SESTD1: variants seen among roughly 807,000 people sequenced by gnomAD.
SESTD1 encodes the protein SEC14 and spectrin domain containing 1.
In SESTD1, 43 loss-of-function variants were observed where a neutral mutation model predicts 101.7. That is an observed-to-expected ratio of 0.42 (90% CI 0.33 to 0.55). SESTD1 has a LOEUF of 0.55. Ranked by LOEUF, SESTD1 falls within the 20% of genes least tolerant of loss-of-function variation. The pLI, the probability that SESTD1 is intolerant of heterozygous loss-of-function variation, is 0.07. For synonymous variants in SESTD1, 283 were observed against 286.8 expected (o/e 0.99, Z 0.13); for missense variants, 647 against 815.1 (o/e 0.79, Z 2.51).
intron 4 of SESTD1, among the ~76,000 whole-genome samples, chr2:179,172,765 G>A (rs1472323066): frequency 1.3e-5 from 2 of 152,106 alleles, no homozygotes; most frequent in Admixed American, 6.5e-5. Context: ...ACTTGATATG[G>A]TTACTTATAC....
chr2:179,208,878 C>T (rs1206169489), intron 1 of SESTD1, among the ~76,000 whole-genome samples: 1 of 134,622 alleles, frequency 7.4e-6, no homozygotes, highest in Non-Finnish European at 1.6e-5. Context: ...CATCTCAACA[C>T]TAATGTTGAA....
chr2:179,160,715 A>G (rs984892737), intron 5 of SESTD1, among the ~76,000 whole-genome samples: 2 of 152,144 alleles, frequency 1.3e-5, no homozygotes, highest in Admixed American at 1.3e-4. Flanking sequence ...TTCTAAAAGT[A>G]TCCAGCATTT....
intron 7 of SESTD1, 123 bp from the exon 8 acceptor site, chr2:179,146,580 T>C: frequency 1.4e-6 from 1 of 729,234 alleles, no homozygotes; most frequent in Non-Finnish European, 2.2e-6. Flanking sequence ...AAGCATACCA[T>C]CCTACCATGC....
At chr2:179,222,608 A>G (rs1332158715) in intron 1 of SESTD1, among the ~76,000 whole-genome samples, 2 of 152,184 alleles carry the variant, frequency 1.3e-5, no homozygotes, top group Non-Finnish European at 2.9e-5. Flanking sequence ...TTTCATCCTC[A>G]TATTAATACT....
intron 9 of SESTD1, among the ~76,000 whole-genome samples, chr2:179,142,992 A>C (rs1354933247): frequency 6.6e-6 from 1 of 152,214 alleles, no homozygotes; most frequent in Non-Finnish European, 1.5e-5. Flanking sequence ...ATTTTTAAAT[A>C]AAATATTCGA....
At chr2:179,116,869 T>C in intron 14 of SESTD1, 79 bp from the exon 15 acceptor site, 1 of 1,516,066 alleles carries the variant, frequency 6.6e-7, no homozygotes, top group Non-Finnish European at 8.9e-7. Flanking sequence ...ATACAGAGAT[T>C]ACTATCATGT....
chr2:179,149,755 T>C (rs1480624509), intron 6 of SESTD1, among the ~76,000 whole-genome samples: 1 of 152,204 alleles, frequency 6.6e-6, no homozygotes, highest in Non-Finnish European at 1.5e-5. Flanking sequence ...AACACTTCTT[T>C]ATGTTATTCT....
chr2:179,181,844 C>T (rs926783811), intron 3 of SESTD1, among the ~76,000 whole-genome samples: 1 of 152,066 alleles, frequency 6.6e-6, no homozygotes, highest in Admixed American at 6.6e-5. Flanking sequence ...AGTTAGCAAT[C>T]CACAGCTTGG....
chr2:179,156,200 T>C (rs1246405315), intron 5 of SESTD1, among the ~76,000 whole-genome samples: 1 of 152,150 alleles, frequency 6.6e-6, no homozygotes, highest in African/African-American at 2.4e-5. Flanking sequence ...ATATATCACA[T>C]ATATACATCA....
rs748112798 is a variant in SESTD1 at position 179,206,737 on chromosome 2, G to T, written c.-25-14871C>A. On this transcript the variant is annotated intron_variant, in intron 1 of 17. Coordinates refer to ENST00000428443, the MANE Select transcript of SESTD1 (RefSeq NM_178123.5). ...ACAGAAGCCACAGCTGACCATGCAG[G>T]TGGGCAGGCAGGGAGGTGAGAGACC... 1.5e-5 allele frequency among the ~76,000 whole-genome samples: 2 copies of T among 135,046 alleles called. 1 individual carries two copies. Among genetic ancestry groups the T allele is most frequent in the African/African-American group, 5.9e-5 (2 of 34,104 alleles). 88.6% of individuals were successfully genotyped at this position (135,046 alleles called of 152,430 possible). A position where few individuals can be genotyped will look rare whatever the true frequency, so the allele number is the denominator to read the frequency against.
At chr2:179,240,130 C>G (rs934188737) in intron 1 of SESTD1, among the ~76,000 whole-genome samples, 2 of 152,082 alleles carry the variant, frequency 1.3e-5, no homozygotes, top group African/African-American at 2.4e-5. Context: ...ACGCAGAATC[C>G]TATAGAATAG....
rs912096369 is a variant in SESTD1 at position 179,182,933 on chromosome 2, T to C, written c.164+147A>G. 7 of 505,996 alleles carry C rather than the reference T, an allele frequency of 1.4e-5. No homozygotes were observed. The African/African-American group carries it at 1.4e-4, about 10-fold the overall frequency. 31.3% of individuals were successfully genotyped at this position (505,996 alleles called of 1,614,324 possible). ...AAGCATTTTATCTGCAATGATGTTA[T>C]AAGTCATTGATTTTAGTATCTATAA... On this transcript the variant is annotated intron_variant, in intron 3 of 17. Transcript: ENST00000428443.
chr2:179,170,182 C>T (rs1163596261), intron 5 of SESTD1, among the ~76,000 whole-genome samples: 2 of 149,874 alleles, frequency 1.3e-5, no homozygotes, highest in Non-Finnish European at 3.0e-5. Context: ...TAAAAGAAAA[C>T]TGTTTCTCCA....
intron 1 of SESTD1, among the ~76,000 whole-genome samples, chr2:179,214,810 A>T (rs1465332447): frequency 3.7e-5 from 5 of 135,648 alleles, no homozygotes; most frequent in Non-Finnish European, 4.8e-5. Flanking sequence ...AGTGCAAACA[A>T]ATTAGAATTC....
chr2:179,123,706 T>C lies in SESTD1; in HGVS notation c.1282+9A>G. On this transcript the variant is annotated intron_variant, in intron 12 of 17. Transcript: ENST00000428443. ...ACCTTATGTTTCAGCATTTTTAAAA[T>C]CTGCTTACCAACACTTTTCAGCTTC... 1 of 1,571,150 alleles carries C rather than the reference T, an allele frequency of 6.4e-7. No individual in the cohort carries two copies. The highest frequency in any genetic ancestry group is 8.7e-7 in the Non-Finnish European group (1 of 1,151,150).
intron 1 of SESTD1, among the ~76,000 whole-genome samples, chr2:179,195,418 C>T (rs1339344551): frequency 6.6e-6 from 1 of 152,180 alleles, no homozygotes; most frequent in Non-Finnish European, 1.5e-5. Context: ...CTGAGGTCTC[C>T]CCAGCCATGC....
rs79702579 is a variant in SESTD1 at position 179,129,639 on chromosome 2, G to A, written c.972+2665C>T. On this transcript the variant is annotated intron_variant, in intron 10 of 17. Coordinates refer to ENST00000428443, the MANE Select transcript of SESTD1 (RefSeq NM_178123.5). ...GTTAAAAGTTTTCTCAAATTCTACC[G>A]TTAACAGCTGTCAATGCCAGAAATT... Among the ~76,000 whole-genome samples the A allele has an allele frequency of 3.7e-3, 556 of 152,198 alleles. 1 individual carries two copies. The highest frequency in any genetic ancestry group is 6.6e-3 in the South Asian group (32 of 4,826).
chr2:179,137,495 G>A (rs954192431), intron 9 of SESTD1, among the ~76,000 whole-genome samples: 3 of 152,174 alleles, frequency 2.0e-5, no homozygotes, highest in Non-Finnish European at 4.4e-5. Context: ...AAAAGCACAT[G>A]GATGATTCTA....
chr2:179,153,354 A>C (rs987428163), intron 5 of SESTD1, among the ~76,000 whole-genome samples: 2 of 152,208 alleles, frequency 1.3e-5, no homozygotes, highest in African/African-American at 4.8e-5. Context: ...CATCCCCAAC[A>C]ACCTTAAGAA....
Sources: gnomAD v4.1 joint callset for allele counts (sites outside exome capture counted in the v4.1 genomes callset) on GRCh38, gnomAD v4.1.1 for gene constraint, MANE v1.5 for transcripts, NCBI Gene and HGNC (gene_info 2026-07-23, HGNC 2026-07-21) for gene names.